SLC24A3: variants seen among roughly 807,000 people sequenced by gnomAD.
SLC24A3 encodes solute carrier family 24 member 3, also known as sodium/potassium/calcium exchanger 3.
In SLC24A3, 28 loss-of-function variants were observed where a neutral mutation model predicts 75.8. That is an observed-to-expected ratio of 0.37 (90% CI 0.27 to 0.51). SLC24A3 has a LOEUF of 0.51. Ranked by LOEUF, SLC24A3 falls within the 20% of genes least tolerant of loss-of-function variation. The pLI is 0.94. For missense variants in SLC24A3, 663 were observed against 847.8 expected (o/e 0.78, Z 2.71); for synonymous variants, 372 against 334.1 (o/e 1.11, Z -1.24).
At chr20:19,564,690 C>T (rs975797104) in intron 3 of SLC24A3, among the ~76,000 whole-genome samples, 1 of 152,152 alleles carries the variant, frequency 6.6e-6, no homozygotes, top group South Asian at 2.1e-4. Context: ...CATACACAAT[C>T]TACATACTAG....
chr20:19,621,329 C>T (rs2122675685), intron 6 of SLC24A3, among the ~76,000 whole-genome samples: 1 of 152,288 alleles, frequency 6.6e-6, no homozygotes, highest in East Asian at 1.9e-4. Flanking sequence ...GATGGTTACC[C>T]TGACTCATCC....
intron 2 of SLC24A3, among the ~76,000 whole-genome samples, chr20:19,329,116 CA>C (rs1984936297): frequency 6.6e-6 from 1 of 151,966 alleles, no homozygotes; most frequent in African/African-American, 2.4e-5. Flanking sequence ...GTAATGGGTC[CA>C]AAAGAGGATG....
intron 2 of SLC24A3, among the ~76,000 whole-genome samples, chr20:19,301,183 G>A (rs559348240): frequency 6.6e-6 from 1 of 152,278 alleles, no homozygotes; most frequent in African/African-American, 2.4e-5. Flanking sequence ...TTCAGCTTAG[G>A]ATTGGATCTG....
intron 9 of SLC24A3, among the ~76,000 whole-genome samples, chr20:19,679,565 GGGAGAC>G (rs1265106821): frequency 9.6e-5 from 14 of 145,502 alleles, no homozygotes; most frequent in African/African-American, 2.7e-4. Flanking sequence ...GAGAGGGAGA[GGGAGAC>G]GGAGACGGAG....
intron 2 of SLC24A3, among the ~76,000 whole-genome samples, chr20:19,318,905 T>C (rs936007662): frequency 3.3e-5 from 5 of 151,928 alleles, no homozygotes; most frequent in Non-Finnish European, 1.5e-5. Flanking sequence ...TAAATGATGC[T>C]TTTTTTTCTC....
intron 2 of SLC24A3, among the ~76,000 whole-genome samples, chr20:19,387,088 T>C (rs1345490401): frequency 1.3e-5 from 2 of 152,138 alleles, no homozygotes; most frequent in Non-Finnish European, 2.9e-5. Context: ...TGTATGTTTC[T>C]AGGAATTTAT....
intron 15 of SLC24A3, among the ~76,000 whole-genome samples, chr20:19,716,646 C>G (rs943461578): frequency 6.6e-6 from 1 of 151,924 alleles, no homozygotes; most frequent in Non-Finnish European, 1.5e-5. Context: ...CTTTGGGTGG[C>G]CGAGCTGGGA....
At chr20:19,653,001 A>G (rs2122709084) in intron 6 of SLC24A3, among the ~76,000 whole-genome samples, 1 of 152,340 alleles carries the variant, frequency 6.6e-6, no homozygotes, top group South Asian at 2.1e-4. Flanking sequence ...CTTGCCAGTG[A>G]CAACCCTTGG....
At chr20:19,618,693 CA>C (rs2031768503) in intron 6 of SLC24A3, among the ~76,000 whole-genome samples, 1 of 152,106 alleles carries the variant, frequency 6.6e-6, no homozygotes, top group African/African-American at 2.4e-5. Context: ...GAAAAATGGG[CA>C]CAGTGATAGT....
intron 3 of SLC24A3, among the ~76,000 whole-genome samples, chr20:19,516,807 G>A (rs1367132437): frequency 3.3e-5 from 5 of 152,202 alleles, no homozygotes; most frequent in African/African-American, 7.2e-5. Flanking sequence ...TTCAACGGAG[G>A]GGTCAGAGAC....
chr20:19,711,853 TG>T (rs2032996925), intron 15 of SLC24A3, among the ~76,000 whole-genome samples: 1 of 152,202 alleles, frequency 6.6e-6, no homozygotes, highest in African/African-American at 2.4e-5. Flanking sequence ...TTGGCCAGGA[TG>T]GTCTTGATCT....
At chr20:19,598,688 A>G (rs1429915654) in intron 6 of SLC24A3, among the ~76,000 whole-genome samples, 1 of 152,120 alleles carries the variant, frequency 6.6e-6, no homozygotes, top group Non-Finnish European at 1.5e-5. Flanking sequence ...TGGGGGACTC[A>G]AGGCGTGGGT....
At position 19,617,636 on chromosome 20, in the gene SLC24A3, C is replaced by T. The variant is rs188654282; in HGVS notation, c.612+32092C>T. 1.4e-4 allele frequency among the ~76,000 whole-genome samples: 21 copies of T among 152,304 alleles called. No homozygotes were observed. In the South Asian group the frequency reaches 2.3e-3, roughly 17 times the overall value. On this transcript the variant is annotated intron_variant, in intron 6 of 16. Coordinates refer to ENST00000328041, the MANE Select transcript of SLC24A3 (RefSeq NM_020689.4). ...CAAACCAAGACTGCCTGCAGGAGGG[C>T]GGCTTGGGCTTTCTTTCTGAGGTCT...
rs371908597 is a variant in SLC24A3 at position 19,608,966 on chromosome 20, A to G, written c.612+23422A>G. On this transcript the variant is annotated intron_variant, in intron 6 of 16. Transcript: ENST00000328041. ...CTGAAACTGAAAATCTGGCAGAGAT[A>G]GAGGGTTTCATGAGGCAGACGTGTT... Among the ~76,000 whole-genome samples, 9 of 152,348 alleles carry G rather than the reference A, an allele frequency of 5.9e-5. 2 individuals are homozygous for G.
chr20:19,603,904 G>T (rs1413096221), intron 6 of SLC24A3, among the ~76,000 whole-genome samples: 1 of 152,186 alleles, frequency 6.6e-6, no homozygotes, highest in Non-Finnish European at 1.5e-5. Context: ...CTGGGTCTGT[G>T]CTGAGCCCCA....
intron 2 of SLC24A3, among the ~76,000 whole-genome samples, chr20:19,418,467 A>T (rs1986862459): frequency 6.6e-6 from 1 of 152,138 alleles, no homozygotes. Context: ...GGGGGAAAAA[A>T]ATAAGAAAAT....
At chr20:19,388,601 C>A (rs183800699) in intron 2 of SLC24A3, among the ~76,000 whole-genome samples, 13 of 152,248 alleles carry the variant, frequency 8.5e-5, no homozygotes, top group Admixed American at 5.9e-4. Flanking sequence ...GTCCCAGCTA[C>A]TCGGGAAGCT....
intron 14 of SLC24A3, among the ~76,000 whole-genome samples, chr20:19,698,321 G>T (rs1045045516): frequency 6.6e-6 from 1 of 152,176 alleles, no homozygotes; most frequent in Admixed American, 6.5e-5. Flanking sequence ...CACTGTATTT[G>T]GTTTTTTGAA....
chr20:19,525,888 A>T (rs2030190386), intron 3 of SLC24A3, among the ~76,000 whole-genome samples: 1 of 152,102 alleles, frequency 6.6e-6, no homozygotes, highest in African/African-American at 2.4e-5. Flanking sequence ...TGCGGTGAGG[A>T]TTCACATGCC....
Sources: gnomAD v4.1 joint callset for allele counts (sites outside exome capture counted in the v4.1 genomes callset) on GRCh38, gnomAD v4.1.1 for gene constraint, MANE v1.5 for transcripts, NCBI Gene and HGNC (gene_info 2026-07-23, HGNC 2026-07-21) for gene names.